CCL14: variants seen among roughly 807,000 people sequenced by gnomAD.
CCL14 encodes the protein C-C motif chemokine ligand 14, also known as C-C motif chemokine 14.
A neutral mutation model predicts 8.2 loss-of-function variants in CCL14; 8 were observed. The ratio of observed to expected loss-of-function variants is 0.98; its 90% CI spans 0.57 to 1.76. The LOEUF is 1.76. CCL14 is among the 40% of genes most tolerant of loss of function. The pLI, the probability that CCL14 is intolerant of heterozygous loss-of-function variation, is 0.00. For missense variants in CCL14, 127 were observed against 118.3 expected (o/e 1.07, Z -0.34); for synonymous variants, 50 against 43.2 (o/e 1.16, Z -0.62).
intron 1 of CCL14, chr17:35,985,060 G>A (rs2141994723): frequency 6.4e-6 from 1 of 156,844 alleles, no homozygotes; most frequent in Non-Finnish European, 1.4e-5. Flanking sequence ...CCTGTGTACT[G>A]TGGCCATTTT....
intron 1 of CCL14, 43 bp downstream of exon 1, chr17:35,986,524 TTCCC>T (rs1481598605): frequency 6.7e-7 from 1 of 1,495,184 alleles, no homozygotes; most frequent in Non-Finnish European, 9.3e-7. Flanking sequence ...TCCTGCTTAT[TTCCC>T]TGCAGGCTCT....
intron 1 of CCL14, chr17:35,986,308 G>C: frequency 2.1e-6 from 1 of 484,202 alleles, no homozygotes; most frequent in Admixed American, 3.5e-5. Flanking sequence ...ATTGGTCAAG[G>C]CTGGAAGATC....
At chr17:35,985,496 TGTGACC>T in intron 1 of CCL14, 4 of 547,254 alleles carry the variant, frequency 7.3e-6, no homozygotes, top group South Asian at 5.3e-5. Flanking sequence ...GTGCATGTTA[TGTGACC>T]CTGCTTCATA....
chr17:35,986,553 A>G lies in CCL14; in HGVS notation c.79+18T>C, dbSNP rs761714524. ...CTGCAGGCTCTAGGTTGGAAGGAAG[A>G]CAAGGCATTGCACTCACGTGAGGAG... On this transcript the variant is annotated intron_variant, in intron 1 of 2. Transcript: ENST00000618404. 27 of 1,603,186 alleles carry G rather than the reference A, an allele frequency of 1.7e-5. No homozygotes were observed. The African/African-American group carries it at 2.8e-4, about 17-fold the overall frequency.
rs1473742806 is a variant in CCL14 at position 35,983,908 on chromosome 17, AG to A, written c.195-21del. On this transcript the variant is annotated intron_variant, in intron 2 of 2. Transcript: ENST00000618404. Reference sequence around the variant, plus strand: ...ATGAAGCTGTGGAGCAAGAGGGAGAAGGATCACAAACCGAGGGGCCCAGTGG... The same window carrying A: ...ATGAAGCTGTGGAGCAAGAGGGAGAAGATCACAAACCGAGGGGCCCAGTGG... 1.3e-5 allele frequency: 21 copies of A among 1,594,064 alleles called. No homozygotes were observed. The highest frequency in any genetic ancestry group is 1.8e-5 in the Non-Finnish European group (21 of 1,161,904).
chr17:35,983,879 G>A lies in CCL14; in HGVS notation c.204C>T (p.Thr68=), dbSNP rs267604821. 9.3e-6 allele frequency: 15 copies of A among 1,613,436 alleles called. No individual in the cohort carries two copies. In the African/African-American group the frequency reaches 2.0e-4, roughly 22 times the overall value. Residue 68 remains threonine, a synonymous_variant, in exon 3 of 3, where the codon ACC becomes ACT. Transcript: ENST00000618404. The stretch of plus-strand genomic sequence containing the variant: ...TGGTACAGACGGAATGGCCCCTTTT[G>A]GTGATGAAGCTGTGGAGCAAGAGGG... ...QCSKPGIVFI[T]KRGHSVCTNP... is the part of the protein sequence containing the mutation.
In CCL14 at chr17:35,984,447, G is replaced by T. The variant is rs1176933419; in HGVS notation, c.85C>A (p.Pro29Thr). The T allele has an allele frequency of 6.8e-6, 11 of 1,609,982 alleles. No homozygotes were observed. The highest frequency in any genetic ancestry group is 8.5e-6 in the Non-Finnish European group (10 of 1,177,144). Residue 29 changes from proline to threonine, a missense_variant, in exon 2 of 3, where the codon CCT becomes ACT. Coordinates refer to ENST00000618404, the MANE Select transcript of CCL14 (RefSeq NM_032963.4). ...AAGCAGCACTCTGAGGGGTGGTAAG[G>T]TCCCCCTGAGGAGAGAGCATCAGAT... ...GTKTESSSRG[P>T]YHPSECCFTY...
intron 1 of CCL14, chr17:35,985,689 C>T (rs751441115): frequency 4.5e-5 from 65 of 1,451,998 alleles, no homozygotes; most frequent in South Asian, 8.6e-5. Flanking sequence ...TACTCTCCCA[C>T]CTTGTTCCTC....
intron 1 of CCL14, chr17:35,985,335 G>T: frequency 5.2e-6 from 1 of 193,904 alleles, no homozygotes; most frequent in Non-Finnish European, 1.0e-5. Flanking sequence ...TCTATTTTCT[G>T]ATTGAGAAGT....
intron 1 of CCL14, chr17:35,985,687 C>T (rs2089755338): frequency 3.5e-6 from 5 of 1,430,802 alleles, no homozygotes; most frequent in Non-Finnish European, 4.8e-6. Flanking sequence ...TATACTCTCC[C>T]ACCTTGTTCC....
intron 1 of CCL14, chr17:35,985,646 C>T (rs981033141): frequency 1.3e-5 from 13 of 988,310 alleles, no homozygotes; most frequent in Non-Finnish European, 2.0e-5. Flanking sequence ...GCATAAGGGG[C>T]CCCTGTTTCC....
At chr17:35,984,683 C>T in intron 1 of CCL14, 5 of 584,792 alleles carry the variant, frequency 8.6e-6, no homozygotes, top group Non-Finnish European at 1.2e-5. Context: ...TTTCTTCAAC[C>T]CCTCTTGGAA....
chr17:35,984,145 T>C (rs114667032), intron 2 of CCL14, among the ~76,000 whole-genome samples, 193 bp downstream of exon 2: 35 of 151,832 alleles, frequency 2.3e-4, no homozygotes, highest in African/African-American at 8.2e-4. Context: ...TCCCCATCCA[T>C]GGGGTCAGTT....
chr17:35,985,875 G>T, intron 1 of CCL14: 1 of 1,201,872 alleles, frequency 8.3e-7, no homozygotes, highest in Non-Finnish European at 1.2e-6. Flanking sequence ...TAAGAAATCA[G>T]CTGAGAAAAG....
chr17:35,983,737 A>AG lies in CCL14; in HGVS notation c.*63dup. 1 of 1,136,960 alleles carries AG rather than the reference A, an allele frequency of 8.8e-7. No homozygotes were observed. The highest frequency in any genetic ancestry group is 1.3e-6 in the Non-Finnish European group (1 of 745,250). 70.4% of individuals were successfully genotyped at this position (1,136,960 alleles called of 1,614,324 possible). On this transcript the variant is annotated 3_prime_UTR_variant, in exon 3 of 3. Coordinates refer to ENST00000618404, the MANE Select transcript of CCL14 (RefSeq NM_032963.4). ...GCTGAGAGTTAGCGGTGGGTGGAGG[A>AG]GGGGGCCTTGGCATCTTCTCTTTAT...
At chr17:35,985,169 T>A (rs2089743936) in intron 1 of CCL14, 1 of 154,460 alleles carries the variant, frequency 6.5e-6, no homozygotes, top group South Asian at 2.1e-4. Flanking sequence ...CAGGGACTAT[T>A]GTGGAGGCCT....
At chr17:35,986,337 C>T (rs527308491) in intron 1 of CCL14, 3 of 520,712 alleles carry the variant, frequency 5.8e-6, no homozygotes, top group African/African-American at 3.8e-5. Flanking sequence ...AACTCTTAAG[C>T]AGAACCTACA....
At position 35,983,894 on chromosome 17, in the gene CCL14, G is replaced by A. The variant is rs1458187787; in HGVS notation, c.195-6C>T. On this transcript the variant is annotated splice_region_variant and splice_polypyrimidine_tract_variant and intron_variant, in intron 2 of 2. Coordinates refer to ENST00000618404, the MANE Select transcript of CCL14 (RefSeq NM_032963.4). ...GGCCCCTTTTGGTGATGAAGCTGTGGAGCAAGAGGGAGAAGGATCACAAAC... is the reference window on the plus strand; with the variant it reads ...GGCCCCTTTTGGTGATGAAGCTGTGAAGCAAGAGGGAGAAGGATCACAAAC... The A allele has an allele frequency of 1.9e-6, 3 of 1,608,318 alleles. No homozygotes were observed. In the Admixed American group the frequency reaches 5.0e-5, roughly 27 times the overall value.
rs41341749 is a variant in CCL14 at position 35,983,666 on chromosome 17, A to G, written c.*135T>C. ...AGGAATGAGGCCAGGGAAGAGCATG[A>G]GTGGTCTTTAATTCAAAGCAGGGAA... On this transcript the variant is annotated 3_prime_UTR_variant, in exon 3 of 3. Coordinates refer to ENST00000618404, the MANE Select transcript of CCL14 (RefSeq NM_032963.4). 0.061 allele frequency: 41,607 copies of G among 685,394 alleles called. 1,438 individuals carry two copies. Among genetic ancestry groups the G allele is most frequent in the South Asian group, 0.11 (6,285 of 59,790 alleles). The allele number at this position is 685,394 out of a possible 1,614,324, so 42.5% of individuals were successfully genotyped here.
Sources: gnomAD v4.1 joint callset for allele counts (sites outside exome capture counted in the v4.1 genomes callset) on GRCh38, gnomAD v4.1.1 for gene constraint, MANE v1.5 for transcripts, NCBI Gene and HGNC (gene_info 2026-07-23, HGNC 2026-07-21) for gene names.